The following PCDHA5 variants were observed in gnomAD, a reference collection of about 807,000 sequenced individuals.
PCDHA5 encodes protocadherin alpha-5.
Under a neutral mutation model 61.6 loss-of-function variants are expected in PCDHA5, and 43 were observed. The ratio of observed to expected loss-of-function variants is 0.70; its 90% CI spans 0.55 to 0.90. The LOEUF (loss-of-function observed/expected upper bound fraction) is 0.90, where lower values mean the gene tolerates loss of function less well. PCDHA5 is among the 40% of genes least tolerant of loss of function. The pLI, the probability that PCDHA5 is intolerant of heterozygous loss-of-function variation, is 0.00. For missense variants in PCDHA5, 1,298 were observed against 1,222.7 expected (o/e 1.06, Z -0.92); for synonymous variants, 627 against 543.9 (o/e 1.15, Z -2.13).
intron 1 of PCDHA5, chr5:140,849,234 T>C: frequency 2.9e-6 from 3 of 1,050,956 alleles, no homozygotes; most frequent in Non-Finnish European, 4.0e-6. Flanking sequence ...CAGAACCCTG[T>C]ATACGGTGAA....
Position 140,841,181 on chromosome 5 carries a change from CAA to C in PCDHA5, c.2352+17056_2352+17057del, listed in dbSNP as rs1777074399. The C allele has an allele frequency of 1.0e-5, 12 of 1,156,490 alleles. 1 individual carries two copies. The highest frequency in any genetic ancestry group is 1.6e-5 in the South Asian group (1 of 61,808). 71.6% of individuals were successfully genotyped at this position (1,156,490 alleles called of 1,614,324 possible). On this transcript the variant is annotated intron_variant, in intron 1 of 3. Transcript: ENST00000529859. ...CAAGAAGTTCTGGTTGGTCAATGTTCAAAGTCTTTTCTCTGACAGCATCTGTC... is the reference window on the plus strand; with the variant it reads ...CAAGAAGTTCTGGTTGGTCAATGTTCAGTCTTTTCTCTGACAGCATCTGTC...
intron 1 of PCDHA5, among the ~76,000 whole-genome samples, chr5:140,950,804 A>G (rs1360919239): frequency 6.6e-6 from 1 of 152,090 alleles, no homozygotes; most frequent in African/African-American, 2.4e-5. Context: ...GTCTGGTTTT[A>G]CCATAGTAGG....
intron 1 of PCDHA5, chr5:140,857,783 C>G: frequency 1.3e-6 from 2 of 1,597,710 alleles, no homozygotes; most frequent in Middle Eastern, 1.7e-4. Flanking sequence ...AGTCAGTGAG[C>G]TGGTGCTGCG....
chr5:140,887,954 T>A (rs2061642378), intron 1 of PCDHA5, among the ~76,000 whole-genome samples: 1 of 152,240 alleles, frequency 6.6e-6, no homozygotes, highest in South Asian at 2.1e-4. Context: ...TGTATAAGAT[T>A]CTTTTTGTCT....
intron 1 of PCDHA5, 25 bp downstream of exon 1, chr5:140,824,152 A>G (rs184380215): frequency 1.9e-6 from 3 of 1,611,614 alleles, no homozygotes; most frequent in Middle Eastern, 1.7e-4. Context: ...ATTAACATCC[A>G]TCTTTCCCTC....
chr5:140,992,976 AG>A (rs2097535791), intron 3 of PCDHA5, among the ~76,000 whole-genome samples: 3 of 152,240 alleles, frequency 2.0e-5, no homozygotes, highest in Non-Finnish European at 4.4e-5. Flanking sequence ...GACAATGATT[AG>A]GCCATGGGAC....
In PCDHA5 at chr5:140,883,441, G is replaced by A. The variant is rs782063932; in HGVS notation, c.2352+59314G>A. 3.1e-6 allele frequency: 5 copies of A among 1,614,130 alleles called. No homozygotes were observed. In the African/African-American group the frequency reaches 4.0e-5, roughly 13 times the overall value. Reference sequence around the variant, plus strand: ...GACAGGTCACCTGCACCTTGACGCCGCATGTCCCCTTCAAGCTGGTGTCCA... The same window carrying A: ...GACAGGTCACCTGCACCTTGACGCCACATGTCCCCTTCAAGCTGGTGTCCA... On this transcript the variant is annotated intron_variant, in intron 1 of 3. Transcript: ENST00000529859.
chr5:140,829,242 A>T lies in PCDHA5; in HGVS notation c.2352+5115A>T, dbSNP rs2150164576. On this transcript the variant is annotated intron_variant, in intron 1 of 3. Coordinates refer to ENST00000529859, the MANE Select transcript of PCDHA5 (RefSeq NM_018908.3). ...GACCTCGATTCAGGTGCCAACGGGC[A>T]GGTGAACTGCTCGCTGACGCCTCAC... is the stretch of plus-strand genomic sequence containing the variant. 1.7e-5 allele frequency: 27 copies of T among 1,614,148 alleles called. No individual in the cohort carries two copies. The highest frequency in any genetic ancestry group is 1.6e-4 in the Middle Eastern group (1 of 6,084).
chr5:140,858,421 G>C (rs782781172), intron 1 of PCDHA5: 2 of 1,557,082 alleles, frequency 1.3e-6, no homozygotes, highest in African/African-American at 1.4e-5. Context: ...CTATTGGAGG[G>C]GACCACTCTA....
chr5:140,964,894 T>C (rs754817292), intron 1 of PCDHA5, among the ~76,000 whole-genome samples: 8 of 152,210 alleles, frequency 5.3e-5, no homozygotes, highest in Non-Finnish European at 1.2e-4. Flanking sequence ...GATAGGAGGC[T>C]GGGCGCTTCT....
chr5:140,967,472 G>C (rs782183935), intron 1 of PCDHA5: 3 of 1,613,430 alleles, frequency 1.9e-6, no homozygotes, highest in Non-Finnish European at 2.5e-6. Flanking sequence ...GGGCATCCCA[G>C]CCCGCTCGGG....
intron 1 of PCDHA5, among the ~76,000 whole-genome samples, chr5:140,921,353 A>T (rs943655623): frequency 6.6e-6 from 1 of 152,160 alleles, no homozygotes; most frequent in Non-Finnish European, 1.5e-5. Context: ...ATATTTGCCT[A>T]TATTCAAGTT....
rs2098416660 is a variant in PCDHA5, at chr5:141,010,249, T to C, written c.*312T>C. ...GCCCCGCCAGTGAGAGGTTGGACTC[T>C]CTGCCCTGTGCTCCGGGGATCCTGT... On this transcript the variant is annotated 3_prime_UTR_variant, in exon 4 of 4. Coordinates refer to ENST00000529859, the MANE Select transcript of PCDHA5 (RefSeq NM_018908.3). 2 of 1,551,772 alleles carry C rather than the reference T, an allele frequency of 1.3e-6. No homozygotes were observed. Among genetic ancestry groups the C allele is most frequent in the Non-Finnish European group, 1.7e-6 (2 of 1,147,036 alleles).
chr5:140,890,056 C>T (rs2062472126), intron 1 of PCDHA5, among the ~76,000 whole-genome samples: 1 of 152,124 alleles, frequency 6.6e-6, no homozygotes, highest in African/African-American at 2.4e-5. Flanking sequence ...GGAGCTGGCT[C>T]TTTTACTGGC....
intron 1 of PCDHA5, among the ~76,000 whole-genome samples, chr5:140,944,938 A>G (rs2153667882): frequency 6.6e-6 from 1 of 152,262 alleles, no homozygotes; most frequent in African/African-American, 2.4e-5. Context: ...CCTTCTTTAG[A>G]TGATTGTGAA....
intron 1 of PCDHA5, among the ~76,000 whole-genome samples, chr5:140,973,030 C>G (rs1274875201): frequency 1.3e-5 from 2 of 152,014 alleles, no homozygotes; most frequent in African/African-American, 4.8e-5. Context: ...TAATGAGTCA[C>G]TTTGAGTACT....
chr5:140,834,369 A>T (rs2150215931), intron 1 of PCDHA5: 162 of 1,556,736 alleles, frequency 1.0e-4, no homozygotes, highest in Non-Finnish European at 1.3e-4. Flanking sequence ...TAGAAAAACA[A>T]GCCAATAATT....
intron 1 of PCDHA5, among the ~76,000 whole-genome samples, chr5:140,925,773 A>G (rs2082712352): frequency 6.6e-6 from 1 of 151,966 alleles, no homozygotes; most frequent in African/African-American, 2.4e-5. Context: ...TCCTGGTCAA[A>G]CTCTAATGAG....
intron 1 of PCDHA5, chr5:140,824,609 A>AAT (rs1554129932): frequency 1.3e-5 from 1 of 76,914 alleles, no homozygotes; most frequent in Non-Finnish European, 2.4e-5. Context: ...TGCTAATTAA[A>AAT]GTTTTTTTTT....
Sources: gnomAD v4.1 joint callset for allele counts (sites outside exome capture counted in the v4.1 genomes callset) on GRCh38, gnomAD v4.1.1 for gene constraint, MANE v1.5 for transcripts, NCBI Gene and HGNC (gene_info 2026-07-23, HGNC 2026-07-21) for gene names.